The following ATG4C variants were observed in gnomAD, a reference collection of about 807,000 sequenced individuals.
ATG4C encodes the protein autophagy related 4C cysteine peptidase, also known as cysteine protease ATG4C.
Under a neutral mutation model 57.6 loss-of-function variants are expected in ATG4C, and 56 were observed. The observed-to-expected ratio is 0.97, with a 90% CI of 0.78 to 1.21. The LOEUF (loss-of-function observed/expected upper bound fraction) is 1.21. Ranked by LOEUF, ATG4C falls within the 50% of genes most tolerant of loss-of-function variation. The probability of loss-of-function intolerance (pLI) is 0.00; values close to 1 mark genes in which losing one functional copy is unlikely to be tolerated. For synonymous variants in ATG4C, 157 were observed against 174.1 expected (o/e 0.90, Z 0.78); for missense variants, 595 against 529.8 (o/e 1.12, Z -1.21).
At chr1:62,802,465 T>TAA (rs35221183) in intron 1 of ATG4C, among the ~76,000 whole-genome samples, 6 of 139,700 alleles carry the variant, frequency 4.3e-5, no homozygotes, top group Admixed American at 7.1e-5. Context: ...ATGCAAATAT[T>TAA]AAAAAAAAAA....
At chr1:62,810,087 A>G (rs1411285981) in intron 3 of ATG4C, among the ~76,000 whole-genome samples, 1 of 152,232 alleles carries the variant, frequency 6.6e-6, no homozygotes, top group African/African-American at 2.4e-5. Flanking sequence ...AGTTCTCCAT[A>G]TGTGTGGAAA....
At chr1:62,811,668 A>G (rs2100306339) in intron 3 of ATG4C, among the ~76,000 whole-genome samples, 1 of 152,352 alleles carries the variant, frequency 6.6e-6, no homozygotes, top group South Asian at 2.1e-4. Flanking sequence ...TTAATTAAAA[A>G]TTAGAATTTA....
At chr1:62,840,427 A>G (rs1666132261) in intron 9 of ATG4C, among the ~76,000 whole-genome samples, 1 of 152,204 alleles carries the variant, frequency 6.6e-6, no homozygotes, top group Admixed American at 6.5e-5. Flanking sequence ...TAATTTTTGT[A>G]TATCCTTAGT....
At position 62,805,187 on chromosome 1, in the gene ATG4C, C is replaced by G. The variant is rs866536469; in HGVS notation, c.92C>G (p.Thr31Arg). 1.3e-6 allele frequency: 2 copies of G among 1,487,884 alleles called. No individual in the cohort carries two copies. Among genetic ancestry groups the G allele is most frequent in the Middle Eastern group, 2.1e-4 (1 of 4,838 alleles). The allele number at this position is 1,487,884 out of a possible 1,614,324, so 92.2% of individuals were successfully genotyped here. The change falls in exon 3 of 11, where the codon ACA becomes AGA. Residue 31 changes from threonine (T) to arginine (R), a missense_variant. Physicochemically the swap from Thr to Arg is moderately conservative, Grantham distance 71. Transcript: ENST00000317868. ...NNMKYSWVLKTKTYFSRNSPV... is the reference protein window; with the variant it reads ...NNMKYSWVLKRKTYFSRNSPV... ...TTTTTGCTAGGTTGGGTGTTGAAAACAAAGACGTATTTTAGTAGAAATTCT... is the reference window on the plus strand; with the variant it reads ...TTTTTGCTAGGTTGGGTGTTGAAAAGAAAGACGTATTTTAGTAGAAATTCT...
chr1:62,805,045 C>T, intron 2 of ATG4C, 127 bp from the exon 3 acceptor site: 1 of 1,334,638 alleles, frequency 7.5e-7, no homozygotes, highest in Non-Finnish European at 9.6e-7. Flanking sequence ...GCAACTGTTG[C>T]CAAAAATGCA....
At chr1:62,835,386 G>A (rs184746371) in intron 9 of ATG4C, 104 of 351,068 alleles carry the variant, frequency 3.0e-4, no homozygotes, top group Middle Eastern at 1.7e-3. Flanking sequence ...CTTTATACAG[G>A]TCATTTTGTG....
chr1:62,802,293 A>G (rs1005034842), intron 1 of ATG4C, among the ~76,000 whole-genome samples: 3 of 152,132 alleles, frequency 2.0e-5, no homozygotes, highest in Admixed American at 1.3e-4. Flanking sequence ...CTAGTCCTGT[A>G]TAATACAGGT....
intron 1 of ATG4C, among the ~76,000 whole-genome samples, chr1:62,792,074 T>G (rs559264363): frequency 1.3e-5 from 2 of 152,266 alleles, no homozygotes; most frequent in East Asian, 3.9e-4. Flanking sequence ...CTCGGCTCAC[T>G]GCAACCTCTG....
Sources: gnomAD v4.1 joint callset for allele counts (sites outside exome capture counted in the v4.1 genomes callset) on GRCh38, gnomAD v4.1.1 for gene constraint, MANE v1.5 for transcripts, NCBI Gene and HGNC (gene_info 2026-07-23, HGNC 2026-07-21) for gene names.